WWOX: variants seen among roughly 807,000 people sequenced by gnomAD.
WWOX encodes the protein WW domain-containing oxidoreductase.
In WWOX, 69 loss-of-function variants were observed where a neutral mutation model predicts 46.2. That is an observed-to-expected ratio of 1.49 (90% CI 1.23 to 1.82). The LOEUF (loss-of-function observed/expected upper bound fraction) is 1.82. Among genes scored for constraint, WWOX ranks in the 40% most tolerant of loss-of-function variants. The pLI is 0.00. For synonymous variants in WWOX, 359 were observed against 202.6 expected (o/e 1.77, Z -6.56); for missense variants, 919 against 542.6 (o/e 1.69, Z -6.89).
rs1177348150 is a variant in WWOX at position 78,578,322 on chromosome 16, C to T, written c.1056+145570C>T. Among the ~76,000 whole-genome samples the T allele has an allele frequency of 5.4e-4, 53 of 97,622 alleles. No homozygotes were observed. The Admixed American group carries it at 7.3e-3, about 13-fold the overall frequency. 64.0% of individuals were successfully genotyped at this position (97,622 alleles called of 152,430 possible). A position where few individuals can be genotyped will look rare whatever the true frequency, so the allele number is the denominator to read the frequency against. ...TTTTTTTTTTTTGGTCGGAGTCTCA[C>T]CCTTTCACCCAGGCTGGAGTGCAGT... is the stretch of plus-strand genomic sequence containing the variant. On this transcript the variant is annotated intron_variant, in intron 8 of 8. Coordinates refer to ENST00000566780, the MANE Select transcript of WWOX (RefSeq NM_016373.4).
In WWOX at chr16:79,141,153, C is replaced by T. The variant is rs971821395; in HGVS notation, c.1057-70455C>T. 3.3e-5 allele frequency among the ~76,000 whole-genome samples: 5 copies of T among 152,326 alleles called. No homozygotes were observed. The South Asian group carries it at 8.3e-4, about 25-fold the overall frequency. On this transcript the variant is annotated intron_variant, in intron 8 of 8. Coordinates refer to ENST00000566780, the MANE Select transcript of WWOX (RefSeq NM_016373.4). ...GAGATAAATACATATCGGATTGCCT[C>T]CTTTGGAGAGGCTATTCAGAAACTC...
chr16:78,327,166 C>G (rs59491325), intron 5 of WWOX, among the ~76,000 whole-genome samples: 2,036 of 152,256 alleles, frequency 0.013, 52 homozygotes, highest in African/African-American at 0.047. Flanking sequence ...GCCCAGAGTT[C>G]ATTTAAGTGG....
At chr16:78,395,344 C>T (rs2082261349) in intron 6 of WWOX, among the ~76,000 whole-genome samples, 1 of 152,096 alleles carries the variant, frequency 6.6e-6, no homozygotes, top group African/African-American at 2.4e-5. Flanking sequence ...TTTGGCAAAA[C>T]CTTGTCTCTA....
At chr16:78,725,334 C>CTTTTTTTTTTTT (rs1567517488) in intron 8 of WWOX, among the ~76,000 whole-genome samples, 1 of 94,084 alleles carries the variant, frequency 1.1e-5, no homozygotes, top group East Asian at 3.0e-4. Flanking sequence ...TTTTTCTTTT[C>CTTTTTTTTTTTT]TTTTCTTTTC....
At chr16:78,915,040 C>T (rs957049137) in intron 8 of WWOX, among the ~76,000 whole-genome samples, 1 of 152,074 alleles carries the variant, frequency 6.6e-6, no homozygotes, top group South Asian at 2.1e-4. Context: ...ATCACTTAGC[C>T]TGATCCACAA....
chr16:78,122,901 G>T (rs894567694), intron 4 of WWOX, among the ~76,000 whole-genome samples: 1 of 152,068 alleles, frequency 6.6e-6, no homozygotes, highest in African/African-American at 2.4e-5. Flanking sequence ...CACCATGCCC[G>T]GGGGTGTTGT....
chr16:78,390,750 A>G (rs1326108039), intron 6 of WWOX, among the ~76,000 whole-genome samples: 1 of 152,156 alleles, frequency 6.6e-6, no homozygotes. Flanking sequence ...CTCTATTCTT[A>G]TCACCCCCCA....
intron 8 of WWOX, among the ~76,000 whole-genome samples, chr16:78,901,951 C>T (rs750125605): frequency 7.9e-5 from 12 of 152,186 alleles, no homozygotes; most frequent in Non-Finnish European, 1.6e-4. Context: ...CAATCCCATT[C>T]CCACTCCATT....
chr16:79,143,727 G>C (rs962390294), intron 8 of WWOX, among the ~76,000 whole-genome samples: 10 of 152,094 alleles, frequency 6.6e-5, no homozygotes, highest in African/African-American at 2.4e-4. Flanking sequence ...TGAGGGATAG[G>C]TGCCGGTTTG....
intron 8 of WWOX, among the ~76,000 whole-genome samples, chr16:78,670,028 C>G (rs2047423053): frequency 6.6e-6 from 1 of 152,088 alleles, no homozygotes; most frequent in African/African-American, 2.4e-5. Context: ...TCTTTTTCCT[C>G]CAGAGGCAGG....
intron 6 of WWOX, among the ~76,000 whole-genome samples, chr16:78,389,066 C>T (rs917498276): frequency 2.6e-5 from 4 of 152,206 alleles, no homozygotes; most frequent in Admixed American, 2.6e-4. Flanking sequence ...GTGAGAGTTG[C>T]AACATCGCCT....
intron 8 of WWOX, among the ~76,000 whole-genome samples, chr16:79,010,069 C>G (rs2047272664): frequency 6.6e-6 from 1 of 152,190 alleles, no homozygotes; most frequent in African/African-American, 2.4e-5. Flanking sequence ...TTGCAAAGGC[C>G]TTGGCCAGCT....
intron 8 of WWOX, among the ~76,000 whole-genome samples, chr16:78,837,754 C>G (rs569923132): frequency 6.6e-6 from 1 of 152,080 alleles, no homozygotes; most frequent in African/African-American, 2.4e-5. Flanking sequence ...TTTGTAATAA[C>G]AATAGCCACC....
At chr16:78,760,077 T>G (rs971791370) in intron 8 of WWOX, among the ~76,000 whole-genome samples, 1 of 152,162 alleles carries the variant, frequency 6.6e-6, no homozygotes, top group Non-Finnish European at 1.5e-5. Context: ...ACTGGGTAAT[T>G]TATCAACAAA....
chr16:79,126,086 A>G (rs2049747857), intron 8 of WWOX, among the ~76,000 whole-genome samples: 1 of 152,176 alleles, frequency 6.6e-6, no homozygotes, highest in Non-Finnish European at 1.5e-5. Context: ...GGGAAGCAAC[A>G]TAATGTGCCC....
chr16:78,426,111 G>A (rs1567566142), intron 7 of WWOX, among the ~76,000 whole-genome samples: 1 of 152,152 alleles, frequency 6.6e-6, no homozygotes, highest in Admixed American at 6.5e-5. Context: ...AAAGGTAAAT[G>A]CCAGTAATAA....
chr16:78,552,442 C>G (rs971171827), intron 8 of WWOX: 1 of 152,142 alleles, frequency 6.6e-6, no homozygotes, highest in African/African-American at 2.4e-5. Flanking sequence ...TTTTGTAATC[C>G]AGCTCCATGC....
chr16:78,990,721 A>AG (rs2046871243), intron 8 of WWOX, among the ~76,000 whole-genome samples: 1 of 151,650 alleles, frequency 6.6e-6, no homozygotes, highest in Non-Finnish European at 1.5e-5. Flanking sequence ...AGGAGGAAGG[A>AG]GGGAGGGAGG....
intron 8 of WWOX, among the ~76,000 whole-genome samples, chr16:78,667,963 C>G (rs1006802946): frequency 6.6e-6 from 1 of 152,088 alleles, no homozygotes; most frequent in South Asian, 2.1e-4. Context: ...CAAAGCTCTT[C>G]TTAAATACAC....
Sources: gnomAD v4.1 joint callset for allele counts (sites outside exome capture counted in the v4.1 genomes callset) on GRCh38, gnomAD v4.1.1 for gene constraint, MANE v1.5 for transcripts, NCBI Gene and HGNC (gene_info 2026-07-23, HGNC 2026-07-21) for gene names.